Variants in ATRX observed in about 807,000 individuals in gnomAD.
ATRX encodes the protein ATRX chromatin remodeler.
A neutral mutation model predicts 172.6 loss-of-function variants in ATRX; 12 were observed. The observed-to-expected ratio is 0.07, with a 90% CI of 0.04 to 0.11. The LOEUF is 0.11. Ranked by LOEUF, ATRX falls within the 10% of genes least tolerant of loss-of-function variation. The pLI is 1.00. For synonymous variants in ATRX, 674 were observed against 594.7 expected, an observed-to-expected ratio of 1.13 and a Z score of -1.94; for missense variants, 1,368 against 1,767.4, an observed-to-expected ratio of 0.77 and a Z score of 4.05.
chrX:77,663,016 A>G lies in ATRX; in HGVS notation c.4120+366T>C, dbSNP rs782734322. Reference sequence around the variant, plus strand: ...GGCCATACACTTAAATTTCATTACTATAATTAGTTTACAAAACCAGTATTT... The same window carrying G: ...GGCCATACACTTAAATTTCATTACTGTAATTAGTTTACAAAACCAGTATTT... On this transcript the variant is annotated intron_variant, in intron 12 of 34. Transcript: ENST00000373344. Among the ~76,000 whole-genome samples the G allele has an allele frequency of 7.2e-5, 8 of 111,692 alleles. No homozygotes were observed. In the South Asian group the frequency reaches 3.0e-3, roughly 42 times the overall value.
At chrX:77,783,940 T>C (rs2076650857) in intron 1 of ATRX, among the ~76,000 whole-genome samples, 1 of 112,263 alleles carries the variant, frequency 8.9e-6, no homozygotes, top group Admixed American at 9.5e-5. Context: ...TCTCACTACA[T>C]AGTACACCTG....
chrX:77,616,315 G>T (rs2148240854), intron 22 of ATRX: 1 of 905,609 alleles, frequency 1.1e-6, no homozygotes, highest in Non-Finnish European at 1.4e-6. Context: ...CTGGAATTTT[G>T]TATATCTTCT....
At chrX:77,663,759 A>G (rs1420908917) in intron 11 of ATRX, among the ~76,000 whole-genome samples, 3 of 112,021 alleles carry the variant, frequency 2.7e-5, no homozygotes, top group Non-Finnish European at 1.9e-5. Flanking sequence ...AATATCACCT[A>G]TATATTTATA....
chrX:77,721,761 C>T (rs2073783095), intron 1 of ATRX, among the ~76,000 whole-genome samples: 1 of 111,344 alleles, frequency 9.0e-6, no homozygotes, highest in Non-Finnish European at 1.9e-5. Context: ...GTAATGTATA[C>T]ATTCAATGCT....
At chrX:77,783,800 G>C (rs2076645893) in intron 1 of ATRX, among the ~76,000 whole-genome samples, 1 of 111,455 alleles carries the variant, frequency 9.0e-6, no homozygotes, top group Non-Finnish European at 1.9e-5. Context: ...CACCTACTTG[G>C]AGCTCTTTCA....
intron 30 of ATRX, among the ~76,000 whole-genome samples, chrX:77,543,273 G>C: frequency 8.9e-6 from 1 of 112,144 alleles, no homozygotes; most frequent in South Asian, 3.7e-4. Flanking sequence ...TCTCATGCCA[G>C]TTAGAATGGC....
intron 1 of ATRX, among the ~76,000 whole-genome samples, chrX:77,729,879 G>C (rs191031292): frequency 8.9e-6 from 1 of 111,974 alleles, no homozygotes. Context: ...AGAGGCTGCA[G>C]TGAGCCAAGA....
At chrX:77,520,243 A>G (rs1318623321) in intron 34 of ATRX, among the ~76,000 whole-genome samples, 1 of 111,456 alleles carries the variant, frequency 9.0e-6, no homozygotes, top group Non-Finnish European at 1.9e-5. Context: ...AGTATTTGAT[A>G]CCACAACAGG....
intron 1 of ATRX, among the ~76,000 whole-genome samples, chrX:77,768,442 C>T (rs1557197365): frequency 2.9e-5 from 3 of 102,094 alleles, no homozygotes; most frequent in Non-Finnish European, 3.8e-5. Flanking sequence ...GAAAAACTTA[C>T]GAATAAAAGG....
chrX:77,701,447 G>A (rs1401544989), intron 2 of ATRX, among the ~76,000 whole-genome samples: 3 of 109,995 alleles, frequency 2.7e-5, no homozygotes, highest in South Asian at 4.0e-4. Flanking sequence ...AGGAGGTGGA[G>A]GCTGCAGTGA....
At chrX:77,729,140 A>G (rs1278168348) in intron 1 of ATRX, among the ~76,000 whole-genome samples, 1 of 109,923 alleles carries the variant, frequency 9.1e-6, no homozygotes, top group Non-Finnish European at 1.9e-5. Context: ...AAAAAAAAAA[A>G]AACTGTAATC....
At chrX:77,734,340 C>A (rs1281305434) in intron 1 of ATRX, among the ~76,000 whole-genome samples, 1 of 111,049 alleles carries the variant, frequency 9.0e-6, no homozygotes, top group Non-Finnish European at 1.9e-5. Flanking sequence ...ATTGCTTGAA[C>A]CCAGGAGGAA....
intron 2 of ATRX, among the ~76,000 whole-genome samples, chrX:77,706,808 A>C (rs1439490107): frequency 2.7e-5 from 3 of 111,340 alleles, no homozygotes; most frequent in Non-Finnish European, 5.7e-5. Flanking sequence ...TGGGAGGCTG[A>C]GATGGAAGGA....
chrX:77,576,790 G>A (rs1314908753), intron 27 of ATRX, among the ~76,000 whole-genome samples: 1 of 111,214 alleles, frequency 9.0e-6, no homozygotes, highest in African/African-American at 3.3e-5. Flanking sequence ...TTACCCACAG[G>A]CCCTGGCAAA....
chrX:77,688,374 CATAG>C (rs1557145194), intron 7 of ATRX, among the ~76,000 whole-genome samples: 1 of 112,307 alleles, frequency 8.9e-6, no homozygotes, highest in African/African-American at 3.2e-5. Flanking sequence ...CCCTGCTCCA[CATAG>C]ATAGTTTACA....
intron 19 of ATRX, among the ~76,000 whole-genome samples, chrX:77,630,643 T>G (rs1323643929): frequency 8.9e-6 from 1 of 112,185 alleles, no homozygotes; most frequent in Non-Finnish European, 1.9e-5. Flanking sequence ...GAAGAAAGAA[T>G]AGTCTTTTCA....
intron 27 of ATRX, among the ~76,000 whole-genome samples, chrX:77,589,288 AG>A (rs45443402): frequency 0.018 from 2,058 of 111,677 alleles, 41 homozygotes; most frequent in African/African-American, 0.063. Flanking sequence ...TAATAGTTAA[AG>A]GGTACAGAGT....
At chrX:77,753,784 G>A (rs906532072) in intron 1 of ATRX, among the ~76,000 whole-genome samples, 2 of 110,792 alleles carry the variant, frequency 1.8e-5, no homozygotes, top group Non-Finnish European at 3.8e-5. Flanking sequence ...GAGTGAATAA[G>A]TGTGATGTGC....
At position 77,698,629 on chromosome X, in the gene ATRX, T is replaced by A. The variant is rs1557151500; in HGVS notation, c.134A>T (p.Asp45Val). The A allele has an allele frequency of 8.4e-7, 1 of 1,195,496 alleles. No homozygotes were observed. The highest frequency in any genetic ancestry group is 1.1e-6 in the Non-Finnish European group (1 of 880,942). The change falls in exon 3 of 35, where the codon GAT (aspartate) becomes GTT (valine). Residue 45 changes from aspartate to valine, a missense_variant and splice_region_variant. Asp to Val is a radical substitution (Grantham distance 152). Coordinates refer to ENST00000373344, the MANE Select transcript of ATRX (RefSeq NM_000489.6). ...GTTACTTCCAGAACCACTGATTTTA[T>A]CTAAAAAAGAAGAAATAAAGAACAT... ...PPRLAMNQNT[D>V]KISGSGSNSD...
Sources: allele counts gnomAD v4.1 joint callset (sites outside exome capture counted in the v4.1 genomes callset), GRCh38; gene constraint gnomAD v4.1.1; transcripts MANE v1.5; gene names NCBI Gene and HGNC (gene_info 2026-07-23, HGNC 2026-07-21).